ATG10: variants seen among roughly 807,000 people sequenced by gnomAD.
ATG10 encodes ubiquitin-like-conjugating enzyme ATG10.
In ATG10, 30 loss-of-function variants were observed where a neutral mutation model predicts 32.1. The observed-to-expected ratio is 0.94, with a 90% CI of 0.70 to 1.27. The LOEUF is 1.27. Among genes scored for constraint, ATG10 ranks in the 50% most tolerant of loss-of-function variants. The pLI is 0.00. For synonymous variants in ATG10, 87 were observed against 91.5 expected (o/e 0.95, Z 0.28); for missense variants, 233 against 262.3 (o/e 0.89, Z 0.77).
intron 1 of ATG10, among the ~76,000 whole-genome samples, chr5:81,975,398 A>T (rs924561000): frequency 6.6e-6 from 1 of 152,190 alleles, no homozygotes; most frequent in Non-Finnish European, 1.5e-5. Flanking sequence ...CTCTTAAACC[A>T]AGGCTGGGTA....
intron 1 of ATG10, among the ~76,000 whole-genome samples, chr5:81,972,970 G>A (rs564658537): frequency 1.3e-5 from 2 of 152,130 alleles, no homozygotes; most frequent in Non-Finnish European, 2.9e-5. Flanking sequence ...GATGTCTAGG[G>A]GACTATATTT....
At chr5:82,153,175 T>C (rs1767671633) in intron 3 of ATG10, among the ~76,000 whole-genome samples, 1 of 152,164 alleles carries the variant, frequency 6.6e-6, no homozygotes, top group Non-Finnish European at 1.5e-5. Flanking sequence ...TCTCCCACGC[T>C]CTCTGTAGTT....
chr5:82,151,049 AATG>A (rs995076975), intron 3 of ATG10, among the ~76,000 whole-genome samples: 34 of 152,298 alleles, frequency 2.2e-4, no homozygotes, highest in African/African-American at 7.7e-4. Context: ...TTTGTTTAAT[AATG>A]GTCTTGGTCA....
chr5:82,122,599 C>T lies in ATG10; in HGVS notation c.217-41800C>T, dbSNP rs746976491. 5.4e-4 allele frequency among the ~76,000 whole-genome samples: 82 copies of T among 152,106 alleles called. 2 individuals carry two copies. Among genetic ancestry groups the T allele is most frequent in the Admixed American group, 2.2e-3 (33 of 15,262 alleles). On this transcript the variant is annotated intron_variant, in intron 3 of 7. Coordinates refer to ENST00000282185, the MANE Select transcript of ATG10 (RefSeq NM_031482.5). ...TACAGAATGGGAAAATTTATGCAAACTGCAAACTATACATCTGACAATGGT... is the reference window on the plus strand; with the variant it reads ...TACAGAATGGGAAAATTTATGCAAATTGCAAACTATACATCTGACAATGGT...
rs372861484 is a variant in ATG10, at chr5:82,179,336, G to A, written c.453+749G>A. Among the ~76,000 whole-genome samples, 22 of 152,168 alleles carry A rather than the reference G, an allele frequency of 1.4e-4. No homozygotes were observed. The East Asian group carries it at 2.1e-3, about 15-fold the overall frequency. ...CAAAACAGTACTTATCATGTAGTAT[G>A]TGCTCAATAAAAATGTATTAAGCAA... is the stretch of plus-strand genomic sequence containing the variant. On this transcript the variant is annotated intron_variant, in intron 5 of 7. Transcript: ENST00000282185.
chr5:82,143,551 A>G (rs1407396057), intron 3 of ATG10, among the ~76,000 whole-genome samples: 1 of 152,228 alleles, frequency 6.6e-6, no homozygotes, highest in Non-Finnish European at 1.5e-5. Context: ...GGATAGATTT[A>G]TGACAGTAGC....
chr5:82,046,435 G>T (rs1424435116), intron 2 of ATG10, among the ~76,000 whole-genome samples: 4 of 152,200 alleles, frequency 2.6e-5, no homozygotes, highest in Non-Finnish European at 5.9e-5. Context: ...GGAGTAATAA[G>T]TTTCCAAGTT....
At chr5:82,015,248 C>T (rs1421087324) in intron 2 of ATG10, among the ~76,000 whole-genome samples, 1 of 152,198 alleles carries the variant, frequency 6.6e-6, no homozygotes, top group Non-Finnish European at 1.5e-5. Flanking sequence ...TTCTGTCTGG[C>T]TGCCCTTAAT....
chr5:82,111,635 G>A (rs1156763865), intron 3 of ATG10, among the ~76,000 whole-genome samples: 1 of 151,840 alleles, frequency 6.6e-6, no homozygotes, highest in East Asian at 1.9e-4. Context: ...TTATTTCATA[G>A]TGTGCCCCAG....
intron 5 of ATG10, among the ~76,000 whole-genome samples, chr5:82,228,613 A>C (rs546163133): frequency 1.4e-4 from 21 of 152,330 alleles, no homozygotes; most frequent in African/African-American, 3.4e-4. Context: ...ATGATGATGG[A>C]TGTTTATTTT....
intron 5 of ATG10, among the ~76,000 whole-genome samples, chr5:82,190,988 A>G (rs1179684562): frequency 6.6e-6 from 1 of 152,176 alleles, no homozygotes; most frequent in Non-Finnish European, 1.5e-5. Flanking sequence ...TGGTGAGTCA[A>G]TGAATATTCA....
intron 3 of ATG10, among the ~76,000 whole-genome samples, chr5:82,066,103 A>G (rs1199815403): frequency 6.6e-6 from 1 of 152,174 alleles, no homozygotes. Flanking sequence ...AGAAAGGGGA[A>G]ATATCTGAAA....
intron 5 of ATG10, among the ~76,000 whole-genome samples, chr5:82,230,500 G>A (rs573206224): frequency 8.5e-4 from 129 of 152,132 alleles, no homozygotes; most frequent in African/African-American, 3.0e-3. Flanking sequence ...TTGGGATGCC[G>A]AGGCGGGTGG....
At chr5:82,210,270 A>G (rs1160306147) in intron 5 of ATG10, among the ~76,000 whole-genome samples, 2 of 152,084 alleles carry the variant, frequency 1.3e-5, no homozygotes, top group African/African-American at 2.4e-5. Flanking sequence ...GTGAAATGTT[A>G]TTTTTCTCCA....
chr5:82,061,664 T>C (rs1215131926), intron 3 of ATG10, among the ~76,000 whole-genome samples: 1 of 149,206 alleles, frequency 6.7e-6, no homozygotes, highest in Admixed American at 6.7e-5. Flanking sequence ...ATGTGTATTA[T>C]ACATATATAC....
chr5:81,990,681 T>TA (rs890011541), intron 2 of ATG10, among the ~76,000 whole-genome samples: 1 of 152,202 alleles, frequency 6.6e-6, no homozygotes, highest in Non-Finnish European at 1.5e-5. Flanking sequence ...GAGTGGGAGT[T>TA]ACACCCACTG....
intron 5 of ATG10, among the ~76,000 whole-genome samples, chr5:82,235,410 C>G (rs1313672883): frequency 6.6e-6 from 1 of 152,216 alleles, no homozygotes. Flanking sequence ...AGACTTTACT[C>G]CCACTGTTTT....
intron 2 of ATG10, among the ~76,000 whole-genome samples, chr5:82,053,863 G>T (rs1163160266): frequency 6.6e-6 from 1 of 152,150 alleles, no homozygotes; most frequent in Non-Finnish European, 1.5e-5. Flanking sequence ...GACTGGCCAA[G>T]TTGCCAGAAA....
intron 5 of ATG10, among the ~76,000 whole-genome samples, chr5:82,242,215 G>T (rs1422198996): frequency 1.3e-5 from 2 of 151,942 alleles, no homozygotes; most frequent in Non-Finnish European, 2.9e-5. Flanking sequence ...GCAAATTTAA[G>T]AAATAATCAG....
Sources: allele counts gnomAD v4.1 joint callset (sites outside exome capture counted in the v4.1 genomes callset), GRCh38; gene constraint gnomAD v4.1.1; transcripts MANE v1.5; gene names NCBI Gene and HGNC (gene_info 2026-07-23, HGNC 2026-07-21).